Variants in DRC11 observed in about 807,000 individuals in gnomAD.
DRC11 encodes the protein dynein regulatory complex subunit 11, also known as IQ and AAA domain-containing protein 1.
chr2:236,468,338 T>G, the DRC11 span, among the ~76,000 whole-genome samples: 1 of 152,186 alleles, frequency 6.6e-6, no homozygotes, highest in Admixed American at 6.5e-5. Context: ...GCAACTCGCC[T>G]GTCTCTGCCT....
At chr2:236,411,812 C>T in the DRC11 span, among the ~76,000 whole-genome samples, 19 of 139,202 alleles carry the variant, frequency 1.4e-4, no homozygotes, top group African/African-American at 3.2e-4. Context: ...AACCAAACAC[C>T]GCATATTCTC....
chr2:236,499,150 A>C, the DRC11 span, among the ~76,000 whole-genome samples: 1 of 151,768 alleles, frequency 6.6e-6, no homozygotes, highest in Non-Finnish European at 1.5e-5. This position sits in a 1 kb window ranked among gnomAD's most constrained non-coding sequence, Gnocchi z 4.7. Flanking sequence ...TGGCGTCCTG[A>C]GTCCAGGTTG....
At chr2:236,367,074 C>A in the DRC11 span, among the ~76,000 whole-genome samples, 1 of 149,704 alleles carries the variant, frequency 6.7e-6, no homozygotes, top group South Asian at 2.1e-4. This position sits in a 1 kb window ranked among gnomAD's most constrained non-coding sequence, Gnocchi z 4.8. Flanking sequence ...CCCACACTGG[C>A]TTCCCAAAGT....
the DRC11 span, chr2:236,407,981 C>A: frequency 3.7e-6 from 2 of 542,676 alleles, no homozygotes; most frequent in South Asian, 2.8e-5. Flanking sequence ...AACTTAAGGT[C>A]AGTCTTCTCC....
At chr2:236,329,604 C>T in the DRC11 span, among the ~76,000 whole-genome samples, 26 of 152,228 alleles carry the variant, frequency 1.7e-4, no homozygotes, top group African/African-American at 5.3e-4. Context: ...TTAGAAGGAA[C>T]CATAGCAATG....
At chr2:236,368,253 G>A in the DRC11 span, 3 of 1,610,348 alleles carry the variant, frequency 1.9e-6, no homozygotes, top group Non-Finnish European at 1.7e-6. Context: ...GGAGGGCATG[G>A]GTTCTATGGA....
the DRC11 span, among the ~76,000 whole-genome samples, chr2:236,319,636 A>G: frequency 6.6e-6 from 1 of 152,160 alleles, no homozygotes; most frequent in African/African-American, 2.4e-5. This position sits in a 1 kb window ranked among gnomAD's most constrained non-coding sequence, Gnocchi z 6.7. Context: ...CGACTCCCCA[A>G]AGCTCAACGT....
the DRC11 span, among the ~76,000 whole-genome samples, chr2:236,369,882 A>G: frequency 6.6e-6 from 1 of 152,202 alleles, no homozygotes; most frequent in Non-Finnish European, 1.5e-5. This position sits in a 1 kb window ranked among gnomAD's most constrained non-coding sequence, Gnocchi z 4.5. Flanking sequence ...GGCAGACGAA[A>G]AGGCATTTAG....
At chr2:236,344,535 TA>T in the DRC11 span, 1 of 1,581,054 alleles carries the variant, frequency 6.3e-7, no homozygotes, top group Non-Finnish European at 8.7e-7. Flanking sequence ...AAGGCAAAAG[TA>T]AGGCATGAGA....
At chr2:236,407,585 T>G in the DRC11 span, among the ~76,000 whole-genome samples, 7 of 152,024 alleles carry the variant, frequency 4.6e-5, no homozygotes, top group African/African-American at 1.7e-4. Flanking sequence ...TATCTATATA[T>G]ACACACACAC....
the DRC11 span, among the ~76,000 whole-genome samples, chr2:236,358,188 A>C: frequency 8.6e-6 from 1 of 116,398 alleles, no homozygotes; most frequent in African/African-American, 3.4e-5. Flanking sequence ...TACTCTATGA[A>C]TATATAATAT....
the DRC11 span, among the ~76,000 whole-genome samples, chr2:236,482,351 T>C: frequency 2.0e-5 from 3 of 152,166 alleles, no homozygotes; most frequent in Admixed American, 6.5e-5. This position sits in a 1 kb window ranked among gnomAD's most constrained non-coding sequence, Gnocchi z 4.5. Flanking sequence ...AAAAGAACAC[T>C]GTCAGGAACT....
chr2:236,447,746 T>C, the DRC11 span, among the ~76,000 whole-genome samples: 2 of 152,206 alleles, frequency 1.3e-5, no homozygotes, highest in African/African-American at 4.8e-5. The surrounding 1 kb of genome is among the most constrained non-coding windows in gnomAD (Gnocchi z 4.6). Flanking sequence ...ATAGTCCAGG[T>C]TATATTTTTC....
At chr2:236,362,715 G>A in the DRC11 span, among the ~76,000 whole-genome samples, 1 of 152,052 alleles carries the variant, frequency 6.6e-6, no homozygotes, top group Non-Finnish European at 1.5e-5. The surrounding 1 kb of genome is among the most constrained non-coding windows in gnomAD (Gnocchi z 5.7). Flanking sequence ...TAAATGACTT[G>A]AATATAAATT....
chr2:236,464,329 G>A, the DRC11 span, among the ~76,000 whole-genome samples: 2 of 152,270 alleles, frequency 1.3e-5, no homozygotes, highest in South Asian at 4.2e-4. Flanking sequence ...AGCATCTTGA[G>A]ACCTGAAGTG....
At chr2:236,401,825 T>C in the DRC11 span, among the ~76,000 whole-genome samples, 1 of 152,006 alleles carries the variant, frequency 6.6e-6, no homozygotes, top group Non-Finnish European at 1.5e-5. The surrounding 1 kb of genome is among the most constrained non-coding windows in gnomAD (Gnocchi z 4.6). Context: ...TTGATGAAAA[T>C]GTCTCCACTG....
At chr2:236,331,907 T>G in the DRC11 span, 3 of 298,222 alleles carry the variant, frequency 1.0e-5, no homozygotes, top group Non-Finnish European at 1.9e-5. This position sits in a 1 kb window ranked among gnomAD's most constrained non-coding sequence, Gnocchi z 4.8. Flanking sequence ...ATGTTGACAA[T>G]CTGTCAACAC....
chr2:236,452,866 A>G, the DRC11 span, among the ~76,000 whole-genome samples: 7 of 152,242 alleles, frequency 4.6e-5, no homozygotes, highest in African/African-American at 1.7e-4. The surrounding 1 kb of genome is among the most constrained non-coding windows in gnomAD (Gnocchi z 4.7). Flanking sequence ...TTTTATTAAA[A>G]GGAACAATAT....
At chr2:236,502,929 T>C in the DRC11 span, among the ~76,000 whole-genome samples, 1 of 152,014 alleles carries the variant, frequency 6.6e-6, no homozygotes, top group Non-Finnish European at 1.5e-5. Context: ...CACTCCAGCC[T>C]GGGAAACAGA....
Sources: gnomAD v4.1 joint callset for allele counts (sites outside exome capture counted in the v4.1 genomes callset) on GRCh38, gnomAD v4.1.1 for gene constraint, Gnocchi (gnomAD v3.1) non-coding constraint, MANE v1.5 for transcripts, NCBI Gene and HGNC (gene_info 2026-07-23, HGNC 2026-07-21) for gene names.